The following FGFR1OP2 variants were observed in gnomAD, a reference collection of about 807,000 sequenced individuals.
FGFR1OP2 encodes the protein FGFR1 oncogene partner 2, also known as fibroblast growth factor receptor 1 oncogene partner 2.
In FGFR1OP2, 17 loss-of-function variants were observed where a neutral mutation model predicts 35.2. The ratio of observed to expected loss-of-function variants is 0.48; its 90% CI spans 0.33 to 0.73. FGFR1OP2 has a LOEUF of 0.73. Ranked by LOEUF, FGFR1OP2 falls within the 30% of genes least tolerant of loss-of-function variation. The pLI, the probability that FGFR1OP2 is intolerant of heterozygous loss-of-function variation, is 0.02. For missense variants in FGFR1OP2, 251 were observed against 307.3 expected (o/e 0.82, Z 1.37); for synonymous variants, 105 against 104.6 (o/e 1.00, Z -0.03).
At chr12:26,954,796 TA>T (rs1938992791) in intron 2 of FGFR1OP2, among the ~76,000 whole-genome samples, 1 of 152,224 alleles carries the variant, frequency 6.6e-6, no homozygotes, top group African/African-American at 2.4e-5. Context: ...AAAGAATACA[TA>T]AGGGCTTTCT....
chr12:26,956,557 T>C lies in FGFR1OP2; in HGVS notation c.150T>C (p.Ile50=). The part of the protein sequence containing the change: ...VEAMKQYQEE[I]QELNEVARHR... ...TCCCCCATTAGTATCAGGAAGAAAT[T>C]CAAGAACTTAATGAAGTCGCGAGAC... The change falls in exon 3 of 7, where the codon ATT becomes ATC. Residue 50 remains isoleucine, a synonymous_variant. Coordinates refer to ENST00000229395, the MANE Select transcript of FGFR1OP2 (RefSeq NM_015633.3). 1 of 1,560,214 alleles carries C rather than the reference T, an allele frequency of 6.4e-7. No individual in the cohort carries two copies. The highest frequency in any genetic ancestry group is 8.7e-7 in the Non-Finnish European group (1 of 1,152,002).
At chr12:26,950,217 T>TTTTC (rs1938901581) in intron 1 of FGFR1OP2, among the ~76,000 whole-genome samples, 1 of 101,554 alleles carries the variant, frequency 9.8e-6, no homozygotes, top group African/African-American at 4.1e-5. Context: ...TTCGTTGTTT[T>TTTTC]TTTTTTTTTT....
rs929119744 is a variant in FGFR1OP2 at position 26,965,934 on chromosome 12, TAAAAG to T, written c.*1204_*1208del. ...TTGTGGTGATTGTATTAAAAAGGGA[TAAAAG>T]AAGAGTGTCAAACATGGTTAAATAT... On this transcript the variant is annotated 3_prime_UTR_variant, in exon 7 of 7. Transcript: ENST00000229395. The T allele has an allele frequency of 3.2e-4, 48 of 152,090 alleles. No homozygotes were observed. The highest frequency in any genetic ancestry group is 2.6e-3 in the Admixed American group (39 of 15,258). The allele number at this position is 152,090 out of a possible 1,614,324, so 9.4% of individuals were successfully genotyped here. A position where few individuals can be genotyped will look rare whatever the true frequency, so the allele number is the denominator to read the frequency against.
At chr12:26,957,944 A>G (rs1408594800) in intron 4 of FGFR1OP2, 3 of 439,500 alleles carry the variant, frequency 6.8e-6, no homozygotes, top group Non-Finnish European at 1.2e-5. Context: ...TGTTTGATTT[A>G]TAAACTCTCA....
chr12:26,940,593 T>C (rs2136345624), intron 1 of FGFR1OP2, among the ~76,000 whole-genome samples: 1 of 152,318 alleles, frequency 6.6e-6, no homozygotes, highest in Non-Finnish European at 1.5e-5. Flanking sequence ...CTAATTAATA[T>C]TAGAGACACA....
chr12:26,942,412 A>C (rs1022928149), intron 1 of FGFR1OP2, among the ~76,000 whole-genome samples: 1 of 152,238 alleles, frequency 6.6e-6, no homozygotes, highest in African/African-American at 2.4e-5. Context: ...AGTATAAGGT[A>C]GTTAGTTATT....
At chr12:26,950,210 G>GTTTT (rs1555211390) in intron 1 of FGFR1OP2, among the ~76,000 whole-genome samples, 21 of 29,726 alleles carry the variant, frequency 7.1e-4, no homozygotes, top group Non-Finnish European at 8.6e-4. Context: ...TAATGTATTC[G>GTTTT]TTGTTTTTTT....
intron 5 of FGFR1OP2, chr12:26,963,069 C>G (rs1255958180): frequency 4.0e-6 from 1 of 250,784 alleles, no homozygotes; most frequent in East Asian, 7.6e-5. Context: ...AGTTGCTGAT[C>G]ATTGTGGTGA....
chr12:26,956,105 C>T (rs939710822), intron 2 of FGFR1OP2, among the ~76,000 whole-genome samples: 5 of 151,964 alleles, frequency 3.3e-5, no homozygotes, highest in Non-Finnish European at 7.4e-5. Flanking sequence ...TCCGATGTGC[C>T]CAGGGAAGCC....
At chr12:26,939,510 A>C (rs1444809988) in intron 1 of FGFR1OP2, among the ~76,000 whole-genome samples, 1 of 152,118 alleles carries the variant, frequency 6.6e-6, no homozygotes, top group Non-Finnish European at 1.5e-5. Context: ...TATTTCCCCA[A>C]ACATGCCATG....
intron 1 of FGFR1OP2, among the ~76,000 whole-genome samples, chr12:26,948,252 TG>T (rs770001656): frequency 2.6e-5 from 4 of 152,258 alleles, no homozygotes; most frequent in Admixed American, 2.6e-4. Context: ...CAATTTCAGT[TG>T]GTCTTCCTTT....
chr12:26,944,128 G>A (rs1367557197), intron 1 of FGFR1OP2, among the ~76,000 whole-genome samples: 2 of 151,926 alleles, frequency 1.3e-5, no homozygotes, highest in Admixed American at 6.6e-5. Context: ...TCTTATGCTT[G>A]TATCCTGTGA....
intron 4 of FGFR1OP2, among the ~76,000 whole-genome samples, chr12:26,959,047 G>A (rs960653712): frequency 1.3e-5 from 2 of 151,982 alleles, no homozygotes; most frequent in African/African-American, 2.4e-5. Flanking sequence ...TTTGGTGCTT[G>A]TACGTGTTTT....
chr12:26,963,094 A>G (rs893740131), intron 5 of FGFR1OP2: 2 of 302,508 alleles, frequency 6.6e-6, no homozygotes, highest in Non-Finnish European at 1.2e-5. Context: ...AATGTAAAAT[A>G]TGAGTATTTT....
chr12:26,950,904 G>A (rs1938917999), intron 1 of FGFR1OP2, among the ~76,000 whole-genome samples: 1 of 152,216 alleles, frequency 6.6e-6, no homozygotes. Flanking sequence ...GGTAAAGGTT[G>A]CTGGATTAAT....
intron 1 of FGFR1OP2, among the ~76,000 whole-genome samples, chr12:26,939,633 C>G (rs1449077358): frequency 6.6e-6 from 1 of 152,174 alleles, no homozygotes; most frequent in African/African-American, 2.4e-5. Context: ...TCAGACTCCC[C>G]CAGGTGACAT....
At chr12:26,952,760 C>T (rs1938952987) in intron 1 of FGFR1OP2, among the ~76,000 whole-genome samples, 1 of 147,022 alleles carries the variant, frequency 6.8e-6, no homozygotes, top group African/African-American at 2.5e-5. Context: ...TGGTATATAA[C>T]AAAGTCCTGA....
chr12:26,960,605 A>C lies in FGFR1OP2; in HGVS notation c.487A>C (p.Arg163=). ...AGCACCTCAACATGGACTGGAGAGA[A>C]GGCACTTGGAAGCAAATCAGAATGT... The part of the protein sequence containing the change: ...LEAPQHGLER[R]HLEANQNELQ... The change falls in exon 5 of 7, where the codon AGG becomes CGG. Residue 163 remains arginine (R), a synonymous_variant. Transcript: ENST00000229395. The C allele has an allele frequency of 6.2e-7, 1 of 1,613,204 alleles. No homozygotes were observed. Among genetic ancestry groups the C allele is most frequent in the Non-Finnish European group, 8.5e-7 (1 of 1,179,494 alleles).
intron 1 of FGFR1OP2, among the ~76,000 whole-genome samples, chr12:26,950,216 T>TTTTTTTTG (rs1357948199): frequency 2.0e-5 from 2 of 98,664 alleles, no homozygotes; most frequent in East Asian, 3.4e-4. Flanking sequence ...ATTCGTTGTT[T>TTTTTTTTG]TTTTTTTTTT....
Sources: allele counts gnomAD v4.1 joint callset (sites outside exome capture counted in the v4.1 genomes callset), GRCh38; gene constraint gnomAD v4.1.1; transcripts MANE v1.5; gene names NCBI Gene and HGNC (gene_info 2026-07-23, HGNC 2026-07-21).